Variants in EBF1 observed in about 807,000 individuals in gnomAD.
EBF1 encodes the protein transcription factor COE1.
Under a neutral mutation model 68.4 loss-of-function variants are expected in EBF1, and 10 were observed. The observed-to-expected ratio is 0.15, with a 90% confidence interval of 0.09 to 0.25. The LOEUF (loss-of-function observed/expected upper bound fraction) is 0.25. EBF1 is among the 10% of genes least tolerant of loss of function. The probability of loss-of-function intolerance (pLI) is 1.00; values close to 1 mark genes in which losing one functional copy is unlikely to be tolerated. For synonymous variants in EBF1, 298 were observed against 299.8 expected, an observed-to-expected ratio of 0.99 and a Z score of 0.06; for missense variants, 509 against 794.4, an observed-to-expected ratio of 0.64 and a Z score of 4.32.
intron 6 of EBF1, among the ~76,000 whole-genome samples, chr5:158,918,814 C>A (rs1231722120): frequency 6.6e-6 from 1 of 152,204 alleles, no homozygotes; most frequent in Non-Finnish European, 1.5e-5. Context: ...AAAATTAGGG[C>A]AAGTTACTGT....
At chr5:158,731,041 A>C (rs1763987875) in intron 11 of EBF1, 28 bp downstream of exon 11, 3 of 1,598,120 alleles carry the variant, frequency 1.9e-6, no homozygotes, top group Non-Finnish European at 2.6e-6. Context: ...CCAAATTTTC[A>C]GGAATTACAA....
chr5:159,060,727 G>T (rs1414988871), intron 6 of EBF1, among the ~76,000 whole-genome samples: 1 of 151,984 alleles, frequency 6.6e-6, no homozygotes, highest in Non-Finnish European at 1.5e-5. Flanking sequence ...AATATATATG[G>T]TATATCACCC....
intron 6 of EBF1, among the ~76,000 whole-genome samples, chr5:159,048,904 G>T (rs892091414): frequency 6.6e-6 from 1 of 152,206 alleles, no homozygotes; most frequent in Non-Finnish European, 1.5e-5. Context: ...GTTTTCAGTG[G>T]AAGCAGTACA....
chr5:158,898,966 C>A (rs1224940429), intron 6 of EBF1, among the ~76,000 whole-genome samples: 3 of 152,170 alleles, frequency 2.0e-5, no homozygotes, highest in Non-Finnish European at 4.4e-5. Context: ...GGTTTCAGCC[C>A]AAGATGCCCC....
intron 6 of EBF1, among the ~76,000 whole-genome samples, chr5:158,946,084 A>G (rs1814617193): frequency 6.6e-6 from 1 of 152,094 alleles, no homozygotes; most frequent in South Asian, 2.1e-4. Flanking sequence ...CAATTTCTCT[A>G]ACCTTTTATC....
chr5:158,777,576 A>G, intron 9 of EBF1, 37 bp from the exon 10 acceptor site: 1 of 1,572,676 alleles, frequency 6.4e-7, no homozygotes, highest in Non-Finnish European at 8.6e-7. Context: ...TTGTCATTGC[A>G]ATAGTTAAAA....
rs1281159013 is a variant in EBF1, at chr5:159,039,598, A to C, written c.554+33798T>G. Among the ~76,000 whole-genome samples, 5 of 152,352 alleles carry C rather than the reference A, an allele frequency of 3.3e-5. No individual in the cohort carries two copies. The East Asian group carries it at 5.8e-4, about 18-fold the overall frequency. The stretch of plus-strand genomic sequence containing the variant: ...GAAAGAAACAGGAAAGCCAGTTGTT[A>C]AAGTAACTTCGCTATTAAATAACTT... On this transcript the variant is annotated intron_variant, in intron 6 of 15. Coordinates refer to ENST00000313708, the MANE Select transcript of EBF1 (RefSeq NM_024007.5).
At chr5:159,073,131 G>A (rs1307815310) in intron 6 of EBF1, among the ~76,000 whole-genome samples, 1 of 152,110 alleles carries the variant, frequency 6.6e-6, no homozygotes, top group African/African-American at 2.4e-5. Flanking sequence ...CATGAGGATT[G>A]AGCCACAGAA....
At chr5:158,725,861 T>C (rs1232278823) in intron 11 of EBF1, among the ~76,000 whole-genome samples, 1 of 152,206 alleles carries the variant, frequency 6.6e-6, no homozygotes, top group East Asian at 1.9e-4. Flanking sequence ...TTCCTTAATA[T>C]GTCGGCTGTG....
chr5:158,909,078 A>C (rs1204314323), intron 6 of EBF1, among the ~76,000 whole-genome samples: 5 of 152,018 alleles, frequency 3.3e-5, no homozygotes, highest in Non-Finnish European at 7.4e-5. Flanking sequence ...GAAAAACATT[A>C]ATATAACGGC....
At chr5:158,735,008 T>C (rs1218758626) in intron 10 of EBF1, among the ~76,000 whole-genome samples, 1 of 152,198 alleles carries the variant, frequency 6.6e-6, no homozygotes, top group African/African-American at 2.4e-5. Flanking sequence ...ATGTATGCAT[T>C]TTAAAAATTC....
At chr5:158,939,804 A>G (rs1374061413) in intron 6 of EBF1, among the ~76,000 whole-genome samples, 4 of 152,186 alleles carry the variant, frequency 2.6e-5, no homozygotes, top group Admixed American at 6.5e-5. Flanking sequence ...ATCATCTAAC[A>G]AAATGTCATC....
intron 9 of EBF1, among the ~76,000 whole-genome samples, chr5:158,781,844 T>C (rs1020723752): frequency 6.6e-6 from 1 of 152,178 alleles, no homozygotes; most frequent in Non-Finnish European, 1.5e-5. Flanking sequence ...TTCTACTTTT[T>C]CCACCATAAT....
At chr5:158,781,490 G>A (rs570521835) in intron 9 of EBF1, among the ~76,000 whole-genome samples, 8 of 152,046 alleles carry the variant, frequency 5.3e-5, no homozygotes, top group South Asian at 2.1e-4. Context: ...AATTTTATTA[G>A]CAACAGAGTA....
intron 6 of EBF1, among the ~76,000 whole-genome samples, chr5:158,991,914 A>G (rs1760407436): frequency 6.6e-6 from 1 of 152,100 alleles, no homozygotes; most frequent in Non-Finnish European, 1.5e-5. Flanking sequence ...TTTGCAACAC[A>G]TTTTAAATTA....
chr5:159,041,975 G>C (rs1387194394), intron 6 of EBF1, among the ~76,000 whole-genome samples: 1 of 152,150 alleles, frequency 6.6e-6, no homozygotes, highest in Non-Finnish European at 1.5e-5. Context: ...ATCCAAAAGA[G>C]AAAAAAATTA....
intron 6 of EBF1, among the ~76,000 whole-genome samples, chr5:158,875,030 A>AAC (rs1797555697): frequency 1.4e-5 from 2 of 139,108 alleles, no homozygotes; most frequent in South Asian, 4.8e-4. Flanking sequence ...TGGAGAGATG[A>AAC]ACACACACAA....
At chr5:158,958,988 G>A (rs952599525) in intron 6 of EBF1, among the ~76,000 whole-genome samples, 1 of 152,124 alleles carries the variant, frequency 6.6e-6, no homozygotes, top group Admixed American at 6.5e-5. Context: ...ATCTTGAACT[G>A]GCTACTTAAA....
intron 6 of EBF1, among the ~76,000 whole-genome samples, chr5:158,993,517 T>C (rs1268859784): frequency 6.6e-6 from 1 of 152,326 alleles, no homozygotes; most frequent in East Asian, 1.9e-4. Flanking sequence ...GGCATAGCAA[T>C]GGTGATGAGA....
Sources: gnomAD v4.1 joint callset for allele counts (sites outside exome capture counted in the v4.1 genomes callset) on GRCh38, gnomAD v4.1.1 for gene constraint, MANE v1.5 for transcripts, NCBI Gene and HGNC (gene_info 2026-07-23, HGNC 2026-07-21) for gene names.